ADAMTS6: variants seen among roughly 807,000 people sequenced by gnomAD.
ADAMTS6 encodes A disintegrin and metalloproteinase with thrombospondin motifs 6.
ADAMTS6 carries 23 observed loss-of-function variants against 144.3 expected under a neutral mutation model. The observed-to-expected ratio is 0.16, with a 90% CI of 0.11 to 0.23. ADAMTS6 has a LOEUF of 0.23. Ranked by LOEUF, ADAMTS6 falls within the 10% of genes least tolerant of loss-of-function variation. ADAMTS6 has a pLI of 1.00. For missense variants in ADAMTS6, 999 were observed against 1,379.6 expected (o/e 0.72, Z 4.37); for synonymous variants, 444 against 457.5 (o/e 0.97, Z 0.38).
chr5:65,374,325 G>A (rs901901265), intron 7 of ADAMTS6, among the ~76,000 whole-genome samples: 1 of 151,012 alleles, frequency 6.6e-6, no homozygotes, highest in South Asian at 2.1e-4. Flanking sequence ...AATTGTCCCT[G>A]TTTGCAGACG....
intron 19 of ADAMTS6, among the ~76,000 whole-genome samples, 175 bp from the exon 20 acceptor site, chr5:65,215,107 A>G (rs1410428822): frequency 6.6e-6 from 1 of 152,198 alleles, no homozygotes; most frequent in African/African-American, 2.4e-5. Flanking sequence ...TTTTGGAGCC[A>G]TTGCTTTCAT....
rs930003035 is a variant in ADAMTS6, at chr5:65,149,568, A to T, written c.*2268T>A. On this transcript the variant is annotated 3_prime_UTR_variant, in exon 25 of 25. Coordinates refer to ENST00000381055, the MANE Select transcript of ADAMTS6 (RefSeq NM_197941.4). ...CAAGGTGCTGTGCAGTGCCTGGGGG[A>T]TGGCCCTCACAATGGTAGTTTCCAG... is the stretch of plus-strand genomic sequence containing the variant. The T allele has an allele frequency of 1.3e-5, 2 of 152,534 alleles. No homozygotes were observed. Among genetic ancestry groups the T allele is most frequent in the African/African-American group, 4.8e-5 (2 of 41,440 alleles). 9.4% of individuals were successfully genotyped at this position (152,534 alleles called of 1,614,324 possible). A position where few individuals can be genotyped will look rare whatever the true frequency, so the allele number is the denominator to read the frequency against.
chr5:65,228,645 C>T (rs1209846876), intron 15 of ADAMTS6, among the ~76,000 whole-genome samples: 1 of 152,148 alleles, frequency 6.6e-6, no homozygotes, highest in Non-Finnish European at 1.5e-5. Flanking sequence ...AGTTTAATTT[C>T]ACCTGTATCA....
At chr5:65,350,728 A>G (rs1254069664) in intron 7 of ADAMTS6, among the ~76,000 whole-genome samples, 1 of 152,140 alleles carries the variant, frequency 6.6e-6, no homozygotes, top group East Asian at 1.9e-4. Context: ...ATCTCAGCTC[A>G]CTGCAACCTC....
At chr5:65,436,182 T>C (rs919153195) in intron 7 of ADAMTS6, among the ~76,000 whole-genome samples, 4 of 151,832 alleles carry the variant, frequency 2.6e-5, no homozygotes, top group African/African-American at 9.7e-5. Flanking sequence ...CAACATAACC[T>C]AAGCAACATA....
At chr5:65,408,218 G>C (rs1257649658) in intron 7 of ADAMTS6, among the ~76,000 whole-genome samples, 1 of 152,138 alleles carries the variant, frequency 6.6e-6, no homozygotes, top group African/African-American at 2.4e-5. Flanking sequence ...TGGATAAAGA[G>C]TCAAAACCCA....
chr5:65,267,319 T>C (rs1761699262), intron 12 of ADAMTS6, among the ~76,000 whole-genome samples: 1 of 152,106 alleles, frequency 6.6e-6, no homozygotes, highest in South Asian at 2.1e-4. Flanking sequence ...TAGTCTAAAT[T>C]ATCCGGATAA....
At chr5:65,300,216 T>C (rs1004233279) in intron 9 of ADAMTS6, 85 bp from the exon 10 acceptor site, 60 of 1,335,800 alleles carry the variant, frequency 4.5e-5, no homozygotes, top group Middle Eastern at 2.0e-4. Flanking sequence ...GGCCATTTAT[T>C]AGCCTTATCA....
chr5:65,257,651 C>T (rs1408001467), intron 14 of ADAMTS6, among the ~76,000 whole-genome samples: 1 of 151,334 alleles, frequency 6.6e-6, no homozygotes, highest in African/African-American at 2.5e-5. Flanking sequence ...TTCAAATGTC[C>T]CAAGATAAAG....
chr5:65,464,345 A>T (rs1759840748), intron 3 of ADAMTS6, among the ~76,000 whole-genome samples: 1 of 152,000 alleles, frequency 6.6e-6, no homozygotes, highest in African/African-American at 2.4e-5. Flanking sequence ...TAACACCTTA[A>T]ATAAGATATT....
At chr5:65,253,666 G>C (rs1190816600) in intron 14 of ADAMTS6, among the ~76,000 whole-genome samples, 2 of 151,728 alleles carry the variant, frequency 1.3e-5, no homozygotes, top group Non-Finnish European at 2.9e-5. Flanking sequence ...GGCATCACTG[G>C]AAAAAAGAAC....
chr5:65,155,385 C>G (rs1038055004), intron 24 of ADAMTS6, among the ~76,000 whole-genome samples: 3 of 152,090 alleles, frequency 2.0e-5, no homozygotes, highest in African/African-American at 7.2e-5. Flanking sequence ...CTATTGTACA[C>G]CTGGGCTACA....
At chr5:65,443,553 C>T (rs1758032450) in intron 7 of ADAMTS6, among the ~76,000 whole-genome samples, 1 of 134,048 alleles carries the variant, frequency 7.5e-6, no homozygotes, top group South Asian at 2.3e-4. Flanking sequence ...GCCTGGGAGG[C>T]AGGGGTTGCA....
intron 7 of ADAMTS6, among the ~76,000 whole-genome samples, chr5:65,338,379 G>A (rs1747504763): frequency 6.6e-6 from 1 of 152,198 alleles, no homozygotes; most frequent in African/African-American, 2.4e-5. Flanking sequence ...ATCAAAACTA[G>A]AGAATTTGGT....
chr5:65,235,322 C>T (rs1758584920), intron 15 of ADAMTS6, among the ~76,000 whole-genome samples: 1 of 152,120 alleles, frequency 6.6e-6, no homozygotes, highest in African/African-American at 2.4e-5. Context: ...ACATTGTACA[C>T]CTTAACTATA....
intron 20 of ADAMTS6, among the ~76,000 whole-genome samples, chr5:65,202,969 C>G (rs1755833657): frequency 6.6e-6 from 1 of 152,166 alleles, no homozygotes; most frequent in African/African-American, 2.4e-5. Context: ...TCTTCTCTTC[C>G]TCCACATTTC....
chr5:65,385,449 T>C (rs1237903955), intron 7 of ADAMTS6, among the ~76,000 whole-genome samples: 1 of 152,198 alleles, frequency 6.6e-6, no homozygotes. Flanking sequence ...TTCATGATCT[T>C]GGGTAATCTC....
intron 7 of ADAMTS6, among the ~76,000 whole-genome samples, chr5:65,443,040 T>C (rs1470145664): frequency 6.6e-6 from 1 of 152,218 alleles, no homozygotes; most frequent in East Asian, 1.9e-4. Context: ...TAGTATTCCA[T>C]GGTGTATAGG....
At chr5:65,316,777 G>A (rs1430707875) in intron 9 of ADAMTS6, among the ~76,000 whole-genome samples, 1 of 151,798 alleles carries the variant, frequency 6.6e-6, no homozygotes, top group Admixed American at 6.6e-5. Flanking sequence ...TAATGATAAA[G>A]AGGTTGATTC....
Sources: gnomAD v4.1 joint callset for allele counts (sites outside exome capture counted in the v4.1 genomes callset) on GRCh38, gnomAD v4.1.1 for gene constraint, MANE v1.5 for transcripts, NCBI Gene and HGNC (gene_info 2026-07-23, HGNC 2026-07-21) for gene names.